The following NEK9 variants were observed in gnomAD, a reference collection of about 807,000 sequenced individuals.
The protein encoded by NEK9 is serine/threonine-protein kinase Nek9.
Under a neutral mutation model 123.4 loss-of-function variants are expected in NEK9, and 75 were observed. The ratio of observed to expected loss-of-function variants is 0.61; its 90% CI spans 0.50 to 0.74. NEK9 has a LOEUF of 0.74. Ranked by LOEUF, NEK9 falls within the 30% of genes least tolerant of loss-of-function variation. The pLI is 0.00. For synonymous variants in NEK9, 438 were observed against 458.7 expected (o/e 0.95, Z 0.58); for missense variants, 952 against 1,214.4 (o/e 0.78, Z 3.21).
At chr14:75,100,128 CAAAAAAAAAAAAAAAAAAA>C (rs71119346) in intron 16 of NEK9, among the ~76,000 whole-genome samples, 119 of 15,622 alleles carry the variant, frequency 7.6e-3, no homozygotes, top group African/African-American at 0.016. Flanking sequence ...GACTCCATCT[CAAAAAAAAAAAAAAAAAAA>C]AAAAAAAAAA....
At chr14:75,093,418 T>C (rs903549346) in intron 18 of NEK9, among the ~76,000 whole-genome samples, 3 of 152,256 alleles carry the variant, frequency 2.0e-5, no homozygotes, top group African/African-American at 7.2e-5. Flanking sequence ...TTATCGCCTT[T>C]ATGTATCCTT....
intron 10 of NEK9, among the ~76,000 whole-genome samples, chr14:75,108,713 C>G (rs1894864558): frequency 6.6e-6 from 1 of 151,776 alleles, no homozygotes; most frequent in African/African-American, 2.4e-5. Context: ...CGCCACCACT[C>G]TCAGCTAACT....
intron 16 of NEK9, among the ~76,000 whole-genome samples, chr14:75,100,285 A>C (rs1894530968): frequency 6.6e-6 from 1 of 151,976 alleles, no homozygotes. Context: ...GTCTCTACTA[A>C]AAATACAGAA....
At chr14:75,085,171 T>C in intron 21 of NEK9, 1 of 154,814 alleles carries the variant, frequency 6.5e-6, no homozygotes, top group Non-Finnish European at 1.4e-5. Context: ...CATGCCCAGT[T>C]AGTTTTTATT....
chr14:75,103,777 C>T, intron 14 of NEK9, 65 bp downstream of exon 14: 1 of 1,518,732 alleles, frequency 6.6e-7, no homozygotes, highest in South Asian at 1.2e-5. Context: ...ATAATGGCAT[C>T]TCAAAGAAAT....
At chr14:75,106,286 G>T in intron 12 of NEK9, 1 of 594,292 alleles carries the variant, frequency 1.7e-6, no homozygotes, top group Non-Finnish European at 3.0e-6. Flanking sequence ...TCGAACTCGG[G>T]AGGTGGTGGT....
intron 5 of NEK9, 149 bp downstream of exon 5, chr14:75,118,681 G>A: frequency 1.7e-6 from 1 of 599,950 alleles, no homozygotes; most frequent in East Asian, 2.8e-5. Context: ...GCCTGCTAGT[G>A]GGCCCAGGAA....
chr14:75,091,479 C>T lies in NEK9; in HGVS notation c.2234-1G>A. The T allele has an allele frequency of 6.3e-7, 1 of 1,579,660 alleles. No homozygotes were observed. The highest frequency in any genetic ancestry group is 8.6e-7 in the Non-Finnish European group (1 of 1,165,368). On this transcript the variant is annotated splice_acceptor_variant, in intron 18 of 21. Coordinates refer to ENST00000238616, the MANE Select transcript of NEK9 (RefSeq NM_033116.6). LOFTEE classifies it high-confidence loss of function. ...CCTCCCGGGCTAGAGCTCTGAAACA[C>T]TGACAGATATACAGCACAGAAATAG...
At chr14:75,111,061 A>T (rs137980811) in intron 8 of NEK9, among the ~76,000 whole-genome samples, 49 of 152,264 alleles carry the variant, frequency 3.2e-4, no homozygotes, top group African/African-American at 1.1e-3. Context: ...AATATTGCCA[A>T]ATAACTCTTC....
chr14:75,081,195 CG>C lies in NEK9; in HGVS notation c.*3368del, dbSNP rs1893861154. 6.6e-6 allele frequency: 1 copy of C among 152,182 alleles called. No homozygotes were observed. Among genetic ancestry groups the C allele is most frequent in the South Asian group, 2.1e-4 (1 of 4,834 alleles). 9.4% of individuals were successfully genotyped at this position (152,182 alleles called of 1,614,324 possible). ...TCCTGACCTCGTGATCCGCCCGCCT[CG>C]GCCTCCCAAAGTGCTGGGATTACAG... On this transcript the variant is annotated 3_prime_UTR_variant, in exon 22 of 22. Transcript: ENST00000238616. The surrounding 1 kb of genome is among the most constrained non-coding windows in gnomAD (Gnocchi z 4.2).
At chr14:75,111,796 C>T (rs1894966682) in intron 8 of NEK9, among the ~76,000 whole-genome samples, 1 of 152,142 alleles carries the variant, frequency 6.6e-6, no homozygotes, top group Non-Finnish European at 1.5e-5. Context: ...GAGGCTAAGG[C>T]AGGAGAACTG....
intron 18 of NEK9, among the ~76,000 whole-genome samples, chr14:75,093,153 A>C (rs1224327396): frequency 6.6e-6 from 1 of 152,236 alleles, no homozygotes; most frequent in Non-Finnish European, 1.5e-5. Context: ...CTTAAAGAGA[A>C]TTAAAAATTC....
At chr14:75,110,236 G>A (rs781457842) in intron 9 of NEK9, 85 bp downstream of exon 9, 95 of 1,010,128 alleles carry the variant, frequency 9.4e-5, no homozygotes, top group Non-Finnish European at 1.2e-4. Context: ...AAGTATCCTC[G>A]GATCAAATAA....
intron 1 of NEK9, among the ~76,000 whole-genome samples, chr14:75,124,764 A>T (rs1895461363): frequency 6.9e-6 from 1 of 144,580 alleles, no homozygotes; most frequent in South Asian, 2.2e-4. Context: ...GTAGCTCCTG[A>T]TGTCTACTAT....
intron 11 of NEK9, among the ~76,000 whole-genome samples, 191 bp from the exon 12 acceptor site, chr14:75,106,893 CTAT>C (rs1894795856): frequency 6.6e-6 from 1 of 152,174 alleles, no homozygotes; most frequent in African/African-American, 2.4e-5. Flanking sequence ...ACTACTACTA[CTAT>C]ATTAAACAAT....
rs137892738 is a variant in NEK9, at chr14:75,091,419, T to C, written c.2293A>G (p.Ser765Gly). 16 of 1,612,952 alleles carry C rather than the reference T, an allele frequency of 9.9e-6. No individual in the cohort carries two copies. The highest frequency in any genetic ancestry group is 1.4e-5 in the Non-Finnish European group (16 of 1,179,756). Residue 765 changes from serine (S) to glycine (G), a missense_variant, in exon 19 of 22, where the codon AGT becomes GGT. By Grantham distance (56) the Ser-to-Gly change is moderately conservative. Coordinates refer to ENST00000238616, the MANE Select transcript of NEK9 (RefSeq NM_033116.6). ...GGGGGGEEED[S>G]QQESETPDPS... ...TCAGGAGTTTCAGATTCCTGCTGAC[T>C]GTCCTCTTCTTCACCACCGCCGCCC...
At chr14:75,088,941 T>G (rs1429880065) in intron 19 of NEK9, among the ~76,000 whole-genome samples, 2 of 152,220 alleles carry the variant, frequency 1.3e-5, no homozygotes, top group Non-Finnish European at 2.9e-5. Context: ...GAAGTGTCAG[T>G]GAGGCTGGCT....
At chr14:75,122,708 G>C (rs1302948442) in intron 2 of NEK9, among the ~76,000 whole-genome samples, 4 of 149,168 alleles carry the variant, frequency 2.7e-5, no homozygotes, top group African/African-American at 9.9e-5. Flanking sequence ...GTTTAACCAT[G>C]TTGGCCAGGA....
intron 2 of NEK9, among the ~76,000 whole-genome samples, chr14:75,122,788 GCTTT>G (rs1181747662): frequency 5.5e-5 from 6 of 109,472 alleles, no homozygotes; most frequent in South Asian, 3.2e-4. Flanking sequence ...ACCACGCCCA[GCTTT>G]TTTTTTTTTT....
Sources: gnomAD v4.1 joint callset for allele counts (sites outside exome capture counted in the v4.1 genomes callset) on GRCh38, gnomAD v4.1.1 for gene constraint, Gnocchi (gnomAD v3.1) non-coding constraint, MANE v1.5 for transcripts, NCBI Gene and HGNC (gene_info 2026-07-23, HGNC 2026-07-21) for gene names.